Variants in NKD2 observed in about 807,000 individuals in gnomAD.
NKD2 encodes protein naked cuticle homolog 2.
In NKD2, 43 loss-of-function variants were observed where a neutral mutation model predicts 34.8. The ratio of observed to expected loss-of-function variants is 1.24; its 90% CI spans 0.97 to 1.60. The LOEUF is 1.60. NKD2 is among the 40% of genes most tolerant of loss of function. The probability of loss-of-function intolerance (pLI) is 0.00; values close to 1 mark genes in which losing one functional copy is unlikely to be tolerated. For missense variants in NKD2, 675 were observed against 627.1 expected, an observed-to-expected ratio of 1.08 and a Z score of -0.82; for synonymous variants, 278 against 265.1, an observed-to-expected ratio of 1.05 and a Z score of -0.47.
In NKD2 at chr5:1,036,380, C is replaced by T; in HGVS notation, c.783C>T (p.Gly261=). ...TTGAGAACTACACGTCCAGATTCGG[C>T]CCTGGTAGGTCCTGGAGGCCACCCT... The part of the protein sequence containing the change: ...AGIENYTSRF[G]PGSPPVQAKQ... Residue 261 remains glycine, a synonymous_variant, in exon 9 of 10, where the codon GGC becomes GGT. Transcript: ENST00000296849. The T allele has an allele frequency of 1.9e-6, 3 of 1,611,744 alleles. No homozygotes were observed. The East Asian group carries it at 6.7e-5, about 36-fold the overall frequency.
At chr5:1,029,565 C>T (rs1289467195) in intron 3 of NKD2, among the ~76,000 whole-genome samples, 3 of 152,186 alleles carry the variant, frequency 2.0e-5, no homozygotes, top group Non-Finnish European at 4.4e-5. Context: ...CACAAGTGCG[C>T]TCAGAATTTT....
intron 3 of NKD2, among the ~76,000 whole-genome samples, chr5:1,022,678 G>C (rs1446916971): frequency 4.5e-5 from 1 of 22,466 alleles, no homozygotes; most frequent in African/African-American, 6.0e-5. Context: ...GGGCGTCTCA[G>C]CCCGTTGTCC....
chr5:1,032,337 C>T (rs569798422), intron 4 of NKD2, 125 bp downstream of exon 4: 188 of 745,318 alleles, frequency 2.5e-4, no homozygotes, highest in Middle Eastern at 6.9e-4. Flanking sequence ...CAGGCTTAGA[C>T]GCACTTTGTT....
chr5:1,029,397 G>A (rs376956712), intron 3 of NKD2, among the ~76,000 whole-genome samples: 10 of 152,108 alleles, frequency 6.6e-5, no homozygotes, highest in Non-Finnish European at 1.5e-4. Context: ...GGTTATTACA[G>A]TTTTTATTGG....
chr5:1,034,324 C>T lies in NKD2; in HGVS notation c.420C>T (p.Thr140=), dbSNP rs1227370257. The T allele has an allele frequency of 1.9e-5, 31 of 1,611,970 alleles. No homozygotes were observed. The highest frequency in any genetic ancestry group is 2.6e-5 in the Non-Finnish European group (31 of 1,179,300). Residue 140 remains threonine (T), a synonymous_variant, in exon 6 of 10, where the codon ACC becomes ACT. Coordinates refer to ENST00000296849, the MANE Select transcript of NKD2 (RefSeq NM_033120.4). Reference sequence around the variant, plus strand: ...ACTTTGACAACTGCGGGAAGGTCACCAGGGAGGTAGGTGAGCTTGTGTTTG... The same window carrying T: ...ACTTTGACAACTGCGGGAAGGTCACTAGGGAGGTAGGTGAGCTTGTGTTTG... ...LYDFDNCGKV[T]REDMSSLMHT...
Position 1,034,344 on chromosome 5 carries a change from T to C in NKD2, c.426+14T>C, listed in dbSNP as rs1449377878. 6.2e-7 allele frequency: 1 copy of C among 1,602,770 alleles called. No homozygotes were observed. The highest frequency in any genetic ancestry group is 2.2e-5 in the East Asian group (1 of 44,788). On this transcript the variant is annotated intron_variant, in intron 6 of 9. Transcript: ENST00000296849. ...GTCACCAGGGAGGTAGGTGAGCTTGTGTTTGCGTCAGGTCCACAGTAGTAG... is the reference window on the plus strand; with the variant it reads ...GTCACCAGGGAGGTAGGTGAGCTTGCGTTTGCGTCAGGTCCACAGTAGTAG...
At chr5:1,019,847 A>G (rs1409199916) in intron 3 of NKD2, among the ~76,000 whole-genome samples, 1 of 152,210 alleles carries the variant, frequency 6.6e-6, no homozygotes, top group Non-Finnish European at 1.5e-5. Context: ...GAATGAAAGA[A>G]AACAAAAACG....
chr5:1,015,715 G>A (rs1253305086), intron 3 of NKD2, among the ~76,000 whole-genome samples: 1 of 152,238 alleles, frequency 6.6e-6, no homozygotes, highest in Non-Finnish European at 1.5e-5. Flanking sequence ...ATTTCAGGGT[G>A]GGCTGCTCCC....
At chr5:1,010,249 G>A in intron 3 of NKD2, among the ~76,000 whole-genome samples, 1 of 152,336 alleles carries the variant, frequency 6.6e-6, no homozygotes, top group East Asian at 1.9e-4. Flanking sequence ...AGACCTGCAT[G>A]TTTGCTGAGC....
intron 4 of NKD2, 135 bp from the exon 5 acceptor site, chr5:1,033,237 A>G (rs563363994): frequency 6.3e-4 from 546 of 864,638 alleles, no homozygotes; most frequent in Non-Finnish European, 8.7e-4. Context: ...AGGGGTCCCA[A>G]GATCGGGCTC....
intron 3 of NKD2, among the ~76,000 whole-genome samples, chr5:1,023,289 C>T (rs199913874): frequency 1.7e-3 from 21 of 12,230 alleles, no homozygotes; most frequent in South Asian, 0.029. Flanking sequence ...CCGCTGTGGG[C>T]GTCCCAGCCC....
chr5:1,037,784 C>G (rs4995727), intron 9 of NKD2, 21 bp from the exon 10 acceptor site: 42 of 1,562,374 alleles, frequency 2.7e-5, no homozygotes, highest in Non-Finnish European at 3.6e-5. Context: ...CAGGGCCTCA[C>G]ACTCTGACCT....
At chr5:1,012,534 G>A (rs781496270) in intron 3 of NKD2, among the ~76,000 whole-genome samples, 47 of 152,360 alleles carry the variant, frequency 3.1e-4, no homozygotes, top group Middle Eastern at 3.4e-3. Context: ...GACCACAGTC[G>A]TAAGACCTGC....
At position 1,037,587 on chromosome 5, in the gene NKD2, C is replaced by A. The variant is rs757675303; in HGVS notation, c.788-218C>A. The A allele has an allele frequency of 5.9e-6, 9 of 1,535,710 alleles. 1 individual carries two copies. The South Asian group carries it at 8.3e-5, about 14-fold the overall frequency. On this transcript the variant is annotated intron_variant, in intron 9 of 9. Transcript: ENST00000296849. ...ACAGTGGGGACAAGGCTAGAGGAGT[C>A]GGCCTTTGCAGGGAGCTGTGGAGCC...
intron 3 of NKD2, among the ~76,000 whole-genome samples, chr5:1,028,716 G>A (rs1228586481): frequency 6.6e-6 from 1 of 152,154 alleles, no homozygotes; most frequent in African/African-American, 2.4e-5. Context: ...AGCTGGGACA[G>A]GAAGGGGGGC....
Position 1,009,586 on chromosome 5 carries a change from TC to T in NKD2, c.141+27del, listed in dbSNP as rs1489727310. 7.0e-6 allele frequency: 10 copies of T among 1,421,554 alleles called. No individual in the cohort carries two copies. The highest frequency in any genetic ancestry group is 6.4e-6 in the Non-Finnish European group (7 of 1,099,082). 88.1% of individuals were successfully genotyped at this position (1,421,554 alleles called of 1,614,324 possible). ...GTAGGCGGCGGGGCGGAGGCTGGGG[TC>T]GCGCTGCGCACCCGCCCGGGGGCGG... On this transcript the variant is annotated intron_variant, in intron 3 of 9. Coordinates refer to ENST00000296849, the MANE Select transcript of NKD2 (RefSeq NM_033120.4). The surrounding 1 kb of genome is among the most constrained non-coding windows in gnomAD (Gnocchi z 6.9).
At chr5:1,014,512 G>T (rs1369299931) in intron 3 of NKD2, among the ~76,000 whole-genome samples, 1 of 152,218 alleles carries the variant, frequency 6.6e-6, no homozygotes, top group Non-Finnish European at 1.5e-5. Context: ...CGTGTGAGCA[G>T]CAAGGTGATG....
chr5:1,019,161 T>C (rs115066133), intron 3 of NKD2, among the ~76,000 whole-genome samples: 112 of 152,316 alleles, frequency 7.4e-4, no homozygotes, highest in Non-Finnish European at 1.3e-3. Context: ...ATACCCACTA[T>C]AGGCACCCCT....
At chr5:1,036,780 A>G (rs1440594594) in intron 9 of NKD2, 3 of 467,318 alleles carry the variant, frequency 6.4e-6, no homozygotes, top group African/African-American at 5.9e-5. Context: ...AGTAGTGTGG[A>G]TGGCCGGCAG....
Sources: gnomAD v4.1 joint callset for allele counts (sites outside exome capture counted in the v4.1 genomes callset) on GRCh38, gnomAD v4.1.1 for gene constraint, Gnocchi (gnomAD v3.1) non-coding constraint, MANE v1.5 for transcripts, NCBI Gene and HGNC (gene_info 2026-07-23, HGNC 2026-07-21) for gene names.